Variants in DNAH7 observed in about 807,000 individuals in gnomAD.
The protein encoded by DNAH7 is dynein axonemal heavy chain 7.
Under a neutral mutation model 444.6 loss-of-function variants are expected in DNAH7, and 397 were observed. The ratio of observed to expected loss-of-function variants is 0.89; its 90% CI spans 0.82 to 0.97. The LOEUF is 0.97. Ranked by LOEUF, DNAH7 falls within the 50% of genes least tolerant of loss-of-function variation. The pLI, the probability that DNAH7 is intolerant of heterozygous loss-of-function variation, is 0.00. For synonymous variants in DNAH7, 1,636 were observed against 1,624.4 expected (o/e 1.01, Z -0.17); for missense variants, 4,902 against 4,800.8 (o/e 1.02, Z -0.62).
chr2:195,747,375 C>A (rs1258311200), intron 63 of DNAH7, among the ~76,000 whole-genome samples: 1 of 152,164 alleles, frequency 6.6e-6, no homozygotes, highest in Admixed American at 6.5e-5. Context: ...GAGTCCAGGA[C>A]CAGACGGATT....
intron 58 of DNAH7, among the ~76,000 whole-genome samples, chr2:195,784,501 TA>T (rs1286864447): frequency 6.6e-6 from 1 of 152,216 alleles, no homozygotes; most frequent in East Asian, 1.9e-4. Flanking sequence ...ATTCACCTAC[TA>T]AAGGACATCT....
At chr2:196,050,484 G>A (rs115416250) in intron 3 of DNAH7, among the ~76,000 whole-genome samples, 4,795 of 151,896 alleles carry the variant, frequency 0.032, 251 homozygotes, top group African/African-American at 0.11. Flanking sequence ...TGGTTAAAAT[G>A]GTAAATTTTA....
At position 195,859,995 on chromosome 2, in the gene DNAH7, T is replaced by C. The variant is rs371814886; in HGVS notation, c.7737-1191A>G. Among the ~76,000 whole-genome samples, 126 of 152,262 alleles carry C rather than the reference T, an allele frequency of 8.3e-4. 2 individuals carry two copies. The South Asian group carries it at 0.023, about 28-fold the overall frequency. Reference sequence around the variant, plus strand: ...GCTTTAGCTATTATGGGAAGAATAATCACAGGATAGGAATTCTAGTTGAGG... The same window carrying C: ...GCTTTAGCTATTATGGGAAGAATAACCACAGGATAGGAATTCTAGTTGAGG... On this transcript the variant is annotated intron_variant, in intron 42 of 64. Transcript: ENST00000312428.
At chr2:195,947,359 A>C (rs1689886186) in intron 19 of DNAH7, among the ~76,000 whole-genome samples, 1 of 151,908 alleles carries the variant, frequency 6.6e-6, no homozygotes, top group South Asian at 2.1e-4. Flanking sequence ...TTTGTTACAT[A>C]GGTATACACG....
rs1218706234 is a variant in DNAH7, at chr2:196,048,381, C to A, written c.165G>T (p.Gln55His). 7 of 1,613,990 alleles carry A rather than the reference C, an allele frequency of 4.3e-6. No individual in the cohort carries two copies. In the Admixed American group the frequency reaches 1.2e-4, roughly 27 times the overall value. The change falls in exon 4 of 65, where the codon CAG (glutamine) becomes CAT (histidine). Residue 55 changes from glutamine (Q) to histidine (H), a missense_variant. Gln to His is a conservative substitution (Grantham distance 24). Transcript: ENST00000312428. ...TCAAATGGAATGATGGAGCTGCCTG[C>A]TGCCAGTGGGGCTTTGTACTCACCT... ...LSMVSTKPHWQQAAPSFHLSV... is the reference protein window; with the variant it reads ...LSMVSTKPHWHQAAPSFHLSV...
At position 196,068,536 on chromosome 2, in the gene DNAH7, G is replaced by A. The variant is rs866130274; in HGVS notation, c.15+161C>T. 12 of 926,604 alleles carry A rather than the reference G, an allele frequency of 1.3e-5. No individual in the cohort carries two copies. The African/African-American group carries it at 1.5e-4, about 12-fold the overall frequency. 57.4% of individuals were successfully genotyped at this position (926,604 alleles called of 1,614,324 possible). On this transcript the variant is annotated intron_variant, in intron 1 of 64. Coordinates refer to ENST00000312428, the MANE Select transcript of DNAH7 (RefSeq NM_018897.3). ...GAAGGGAACTTATAAGGGCATTCAC[G>A]GAAAGCGCTCAGTAACCCAGGCCAC...
At chr2:196,021,422 G>T in intron 8 of DNAH7, among the ~76,000 whole-genome samples, 1 of 152,212 alleles carries the variant, frequency 6.6e-6, no homozygotes, top group Middle Eastern at 3.4e-3. Context: ...GGCAAATATT[G>T]CAATTAAGCA....
At chr2:195,857,304 A>C (rs1229484443) in intron 44 of DNAH7, 73 bp downstream of exon 44, 6 of 1,321,254 alleles carry the variant, frequency 4.5e-6, no homozygotes, top group Non-Finnish European at 6.2e-6. Context: ...ATAACTTTTA[A>C]ATTGTATATT....
intron 1 of DNAH7, among the ~76,000 whole-genome samples, chr2:196,058,972 A>C (rs1575121128): frequency 6.6e-6 from 1 of 152,340 alleles, no homozygotes; most frequent in South Asian, 2.1e-4. Context: ...CTCTAGCATA[A>C]GGATAAACAG....
intron 12 of DNAH7, among the ~76,000 whole-genome samples, chr2:195,997,620 G>A (rs1693779093): frequency 1.3e-5 from 2 of 152,114 alleles, no homozygotes; most frequent in South Asian, 4.1e-4. Context: ...TAAATCAGGA[G>A]ATAGTGATAT....
chr2:195,985,603 G>A (rs1371004782), intron 14 of DNAH7, among the ~76,000 whole-genome samples: 1 of 152,130 alleles, frequency 6.6e-6, no homozygotes, highest in East Asian at 1.9e-4. Context: ...CATATCTAAT[G>A]ACTCCTTTAA....
At chr2:195,922,896 C>A (rs2125354140) in intron 23 of DNAH7, among the ~76,000 whole-genome samples, 1 of 151,996 alleles carries the variant, frequency 6.6e-6, no homozygotes, top group East Asian at 1.9e-4. Context: ...GGGTCTCACT[C>A]TGTCACCCAG....
chr2:196,068,728 T>C lies in DNAH7; in HGVS notation c.-17A>G, dbSNP rs946321798. On this transcript the variant is annotated 5_prime_UTR_variant, in exon 1 of 65. Transcript: ENST00000312428. ...ACTGCTCATGGCTGCGAGGACGCGC[T>C]GGCCTCACCGGTGCTTCTGGGTTGC... is the stretch of plus-strand genomic sequence containing the variant. The C allele has an allele frequency of 1.9e-5, 30 of 1,550,960 alleles. No homozygotes were observed. The African/African-American group carries it at 2.6e-4, about 13-fold the overall frequency.
chr2:195,831,327 A>C (rs1174025624), intron 48 of DNAH7, among the ~76,000 whole-genome samples: 1 of 152,220 alleles, frequency 6.6e-6, no homozygotes, highest in Non-Finnish European at 1.5e-5. Flanking sequence ...CAATATAAAA[A>C]AGAAAAGTGA....
At chr2:195,746,539 A>G (rs1397165007) in intron 63 of DNAH7, among the ~76,000 whole-genome samples, 12 of 152,240 alleles carry the variant, frequency 7.9e-5, no homozygotes, top group Non-Finnish European at 1.5e-5. Context: ...TCAACAGAAT[A>G]TACATTTTTT....
chr2:196,010,932 T>C (rs1024253119), intron 10 of DNAH7, among the ~76,000 whole-genome samples: 1 of 152,246 alleles, frequency 6.6e-6, no homozygotes, highest in Middle Eastern at 3.4e-3. Flanking sequence ...CTCTTATTCA[T>C]ATGTGGAAGC....
chr2:195,933,278 T>C (rs562038486), intron 21 of DNAH7, among the ~76,000 whole-genome samples: 3 of 152,252 alleles, frequency 2.0e-5, no homozygotes, highest in South Asian at 2.1e-4. Context: ...TGTGGAGAAA[T>C]AGGAACACTT....
At chr2:195,771,598 G>C (rs537879809) in intron 61 of DNAH7, 62 bp downstream of exon 61, 5 of 1,231,496 alleles carry the variant, frequency 4.1e-6, no homozygotes, top group Non-Finnish European at 5.9e-6. Flanking sequence ...ACAAGTATTT[G>C]CTAAATAAAT....
intron 10 of DNAH7, among the ~76,000 whole-genome samples, chr2:196,012,389 C>T (rs571778865): frequency 1.7e-4 from 26 of 152,188 alleles, no homozygotes; most frequent in African/African-American, 5.5e-4. Context: ...CCCCACTTAA[C>T]CATTCTTTAA....
Sources: gnomAD v4.1 joint callset for allele counts (sites outside exome capture counted in the v4.1 genomes callset) on GRCh38, gnomAD v4.1.1 for gene constraint, MANE v1.5 for transcripts, NCBI Gene and HGNC (gene_info 2026-07-23, HGNC 2026-07-21) for gene names.